PLCB4: variants seen among roughly 807,000 people sequenced by gnomAD.
PLCB4 encodes 1-phosphatidylinositol 4,5-bisphosphate phosphodiesterase beta-4.
Under a neutral mutation model 178.8 loss-of-function variants are expected in PLCB4, and 77 were observed. That is an observed-to-expected ratio of 0.43 (90% CI 0.36 to 0.52). The LOEUF (loss-of-function observed/expected upper bound fraction) is 0.52, where lower values mean the gene tolerates loss of function less well. Among genes scored for constraint, PLCB4 ranks in the 20% least tolerant of loss-of-function variants. PLCB4 has a pLI of 0.00. For missense variants in PLCB4, 1,024 were observed against 1,453.4 expected, an observed-to-expected ratio of 0.70 and a Z score of 4.80; for synonymous variants, 496 against 490.8, an observed-to-expected ratio of 1.01 and a Z score of -0.14.
At chr20:9,376,442 A>T (rs762832420) in intron 12 of PLCB4, among the ~76,000 whole-genome samples, 4 of 152,164 alleles carry the variant, frequency 2.6e-5, no homozygotes, top group Non-Finnish European at 4.4e-5. Context: ...GGAATCCACC[A>T]CTCAGAGCTA....
intron 2 of PLCB4, among the ~76,000 whole-genome samples, chr20:9,114,512 G>T (rs572982745): frequency 1.3e-5 from 2 of 152,278 alleles, no homozygotes; most frequent in South Asian, 4.1e-4. Flanking sequence ...GCATTAAGAT[G>T]AAGTGTTAAA....
chr20:9,383,471 C>T (rs1274651851), intron 13 of PLCB4, among the ~76,000 whole-genome samples: 1 of 152,142 alleles, frequency 6.6e-6, no homozygotes, highest in African/African-American at 2.4e-5. Flanking sequence ...TTGAAGCTGT[C>T]GATGCATCAA....
chr20:9,168,292 A>G (rs1310997836), intron 2 of PLCB4, among the ~76,000 whole-genome samples: 3 of 152,194 alleles, frequency 2.0e-5, no homozygotes, highest in African/African-American at 7.2e-5. Flanking sequence ...CTGAAGCATT[A>G]TAGAGCAGGA....
intron 2 of PLCB4, among the ~76,000 whole-genome samples, chr20:9,142,762 G>T (rs1378240598): frequency 6.6e-6 from 1 of 152,108 alleles, no homozygotes. Context: ...TCTGCAGTCT[G>T]TTCTCAACAC....
chr20:9,112,251 C>T (rs8115420), intron 2 of PLCB4, among the ~76,000 whole-genome samples: 1 of 150,172 alleles, frequency 6.7e-6, no homozygotes, highest in Admixed American at 6.6e-5. Context: ...AACAAATACC[C>T]TACTCTTTTT....
At chr20:9,404,118 T>C (rs2039251891) in intron 20 of PLCB4, among the ~76,000 whole-genome samples, 1 of 152,060 alleles carries the variant, frequency 6.6e-6, no homozygotes, top group Non-Finnish European at 1.5e-5. Context: ...GTTTGAAAAC[T>C]TGGAAGTGGT....
chr20:9,120,580 T>G (rs1283513759), intron 2 of PLCB4, among the ~76,000 whole-genome samples: 1 of 152,152 alleles, frequency 6.6e-6, no homozygotes, highest in African/African-American at 2.4e-5. Flanking sequence ...TTGGATCCAT[T>G]GTCTGGGTCA....
At chr20:9,114,222 A>G (rs934247231) in intron 2 of PLCB4, among the ~76,000 whole-genome samples, 1 of 152,108 alleles carries the variant, frequency 6.6e-6, no homozygotes, top group East Asian at 1.9e-4. Flanking sequence ...TTAAAAACCT[A>G]GAGGGACTTA....
intron 35 of PLCB4, among the ~76,000 whole-genome samples, chr20:9,465,707 C>T (rs1444622833): frequency 6.6e-6 from 1 of 152,164 alleles, no homozygotes; most frequent in South Asian, 2.1e-4. Context: ...GAATAAAATA[C>T]CTAGGAATCC....
chr20:9,404,887 A>G (rs1258171115), intron 20 of PLCB4, among the ~76,000 whole-genome samples: 2 of 152,164 alleles, frequency 1.3e-5, no homozygotes, highest in Non-Finnish European at 2.9e-5. Flanking sequence ...CAAAGGCCCC[A>G]TCTTCAAATG....
chr20:9,386,197 G>A (rs542749995), intron 14 of PLCB4, among the ~76,000 whole-genome samples: 399 of 152,060 alleles, frequency 2.6e-3, no homozygotes, highest in Non-Finnish European at 3.6e-3. Flanking sequence ...AGGCTGCAGC[G>A]AGCCGAGACC....
rs1369906363 is a variant in PLCB4, at chr20:9,384,382, G to T, written c.1035G>T (p.Met345Ile). ...RQFGGKSSVEMYRQVLLAGCR... is the reference protein window; with the variant it reads ...RQFGGKSSVEIYRQVLLAGCR... ...TCGGCGGGAAGTCTTCGGTAGAAATGTACAGACAGGTTCTCCTGGCTGGTT... is the reference window on the plus strand; with the variant it reads ...TCGGCGGGAAGTCTTCGGTAGAAATTTACAGACAGGTTCTCCTGGCTGGTT... Residue 345 changes from methionine to isoleucine, a missense_variant, in exon 14 of 40, where the codon ATG becomes ATT. Physicochemically the swap from Met to Ile is conservative, Grantham distance 10. Coordinates refer to ENST00000378473, the MANE Select transcript of PLCB4 (RefSeq NM_001377142.1). The T allele has an allele frequency of 2.3e-5, 37 of 1,614,174 alleles. No homozygotes were observed. The highest frequency in any genetic ancestry group is 3.1e-5 in the Non-Finnish European group (36 of 1,179,986).
intron 2 of PLCB4, among the ~76,000 whole-genome samples, chr20:9,096,855 T>C (rs1306702700): frequency 6.6e-6 from 1 of 152,180 alleles, no homozygotes; most frequent in Non-Finnish European, 1.5e-5. Flanking sequence ...GGTATCTTTT[T>C]GTAATCCATA....
chr20:9,353,879 C>A (rs1175380106), intron 7 of PLCB4, among the ~76,000 whole-genome samples: 1 of 152,128 alleles, frequency 6.6e-6, no homozygotes, highest in African/African-American at 2.4e-5. Flanking sequence ...CTGTACTGGC[C>A]CAAGTCATGT....
At chr20:9,160,785 G>A (rs1196844456) in intron 2 of PLCB4, among the ~76,000 whole-genome samples, 3 of 152,152 alleles carry the variant, frequency 2.0e-5, no homozygotes, top group Non-Finnish European at 4.4e-5. Context: ...AAAACAGAGA[G>A]GTTTCTTCTG....
At chr20:9,411,011 G>A (rs2039820229) in intron 24 of PLCB4, 26 bp from the exon 25 acceptor site, 1 of 1,582,474 alleles carries the variant, frequency 6.3e-7, no homozygotes. Flanking sequence ...AAGACAAGAT[G>A]CTAAATTATT....
chr20:9,430,297 T>C (rs1460257313), intron 28 of PLCB4, among the ~76,000 whole-genome samples: 2 of 152,236 alleles, frequency 1.3e-5, no homozygotes, highest in Non-Finnish European at 2.9e-5. Context: ...ACTTTAGCCT[T>C]GCTCAAGGCA....
intron 1 of PLCB4, among the ~76,000 whole-genome samples, chr20:9,075,115 T>G (rs546249935): frequency 1.3e-5 from 2 of 152,252 alleles, no homozygotes; most frequent in East Asian, 3.9e-4. Flanking sequence ...AGTTTATACT[T>G]GGGGAAACTG....
intron 20 of PLCB4, among the ~76,000 whole-genome samples, chr20:9,403,700 C>A (rs2148478214): frequency 6.6e-6 from 1 of 152,298 alleles, no homozygotes; most frequent in Middle Eastern, 3.4e-3. Context: ...AGTTGGCCAC[C>A]TTTGATTGGC....
Sources: allele counts gnomAD v4.1 joint callset (sites outside exome capture counted in the v4.1 genomes callset), GRCh38; gene constraint gnomAD v4.1.1; transcripts MANE v1.5; gene names NCBI Gene and HGNC (gene_info 2026-07-23, HGNC 2026-07-21).